ASIC2: variants seen among roughly 807,000 people sequenced by gnomAD.
ASIC2 encodes the protein acid-sensing ion channel 2.
ASIC2 carries 25 observed loss-of-function variants against 57.3 expected under a neutral mutation model. The observed-to-expected ratio is 0.44, with a 90% CI of 0.32 to 0.61. The LOEUF (loss-of-function observed/expected upper bound fraction) is 0.61, where lower values mean the gene tolerates loss of function less well. Among genes scored for constraint, ASIC2 ranks in the 20% least tolerant of loss-of-function variants. The pLI is 0.06. For missense variants in ASIC2, 641 were observed against 738.1 expected (o/e 0.87, Z 1.52); for synonymous variants, 319 against 307.5 (o/e 1.04, Z -0.39).
chr17:34,028,763 G>A (rs927658958), intron 1 of ASIC2, among the ~76,000 whole-genome samples: 1 of 152,178 alleles, frequency 6.6e-6, no homozygotes, highest in African/African-American at 2.4e-5. Context: ...TCACAGAGAA[G>A]CGATTTCCTG....
At position 33,407,808 on chromosome 17, in the gene ASIC2, T is replaced by A. The variant is rs925422215; in HGVS notation, c.556-295741A>T. ...AGGAATTCTGGGAACCAGGTTGGGA[T>A]TGGCTTGGCTTGGTAGCAACCCTAT... On this transcript the variant is annotated intron_variant, in intron 1 of 9. Transcript: ENST00000359872. Among the ~76,000 whole-genome samples the A allele has an allele frequency of 1.3e-5, 2 of 152,224 alleles. 1 individual carries two copies. Among genetic ancestry groups the A allele is most frequent in the Admixed American group, 1.3e-4 (2 of 15,286 alleles).
chr17:33,743,601 A>G (rs974869880), intron 1 of ASIC2, among the ~76,000 whole-genome samples: 3 of 152,236 alleles, frequency 2.0e-5, no homozygotes, highest in Non-Finnish European at 4.4e-5. Flanking sequence ...CTGACCAGTT[A>G]TGGCCTAAAT....
intron 1 of ASIC2, among the ~76,000 whole-genome samples, chr17:33,896,597 C>T (rs1437151258): frequency 2.0e-5 from 3 of 152,214 alleles, no homozygotes; most frequent in Admixed American, 2.0e-4. Context: ...AGCCCAATGG[C>T]CTGGCTCCTA....
intron 3 of ASIC2, among the ~76,000 whole-genome samples, chr17:33,061,146 C>A (rs992084789): frequency 6.6e-6 from 1 of 152,064 alleles, no homozygotes; most frequent in Admixed American, 6.6e-5. Flanking sequence ...AATTGAATAC[C>A]CTTTATTTCT....
intron 1 of ASIC2, among the ~76,000 whole-genome samples, chr17:34,054,999 T>A (rs775357512): frequency 2.8e-4 from 43 of 152,286 alleles, no homozygotes; most frequent in Non-Finnish European, 5.4e-4. Context: ...AAGAAATGAC[T>A]CATCCAAAGG....
intron 3 of ASIC2, among the ~76,000 whole-genome samples, chr17:33,080,952 CTG>C: frequency 6.6e-6 from 1 of 152,280 alleles, no homozygotes; most frequent in Middle Eastern, 3.4e-3. Flanking sequence ...CTGCAGTTGA[CTG>C]TGTGTAACTG....
intron 1 of ASIC2, among the ~76,000 whole-genome samples, chr17:33,556,954 G>A (rs1174067655): frequency 1.3e-5 from 2 of 152,232 alleles, no homozygotes; most frequent in Admixed American, 6.5e-5. Context: ...GGGAGGAATG[G>A]TGGAAGACTT....
At chr17:33,981,762 A>T (rs372461974) in intron 1 of ASIC2, among the ~76,000 whole-genome samples, 24 of 152,320 alleles carry the variant, frequency 1.6e-4, no homozygotes, top group Admixed American at 1.3e-3. Flanking sequence ...AACATTCTAC[A>T]TGCATTATCT....
intron 1 of ASIC2, among the ~76,000 whole-genome samples, chr17:33,916,189 T>A (rs1597928550): frequency 6.6e-6 from 1 of 152,114 alleles, no homozygotes; most frequent in Non-Finnish European, 1.5e-5. Context: ...AACTCCAGGG[T>A]GGATAATATG....
chr17:33,973,384 G>C (rs1905277177), intron 1 of ASIC2, among the ~76,000 whole-genome samples: 1 of 152,180 alleles, frequency 6.6e-6, no homozygotes, highest in Admixed American at 6.5e-5. Flanking sequence ...CATTGTTGGG[G>C]GCGGGTGGAG....
At chr17:33,887,865 T>C (rs926300049) in intron 1 of ASIC2, among the ~76,000 whole-genome samples, 1 of 152,180 alleles carries the variant, frequency 6.6e-6, no homozygotes, top group Admixed American at 6.5e-5. Context: ...AGTCCTTGAA[T>C]TGCCATGGTT....
chr17:34,077,386 AG>A (rs1470721934), intron 1 of ASIC2, among the ~76,000 whole-genome samples: 16 of 152,136 alleles, frequency 1.1e-4, no homozygotes, highest in African/African-American at 3.6e-4. Flanking sequence ...GCAATAACCT[AG>A]GAGAATGTTT....
chr17:33,849,006 CT>C (rs1913689623), intron 1 of ASIC2, among the ~76,000 whole-genome samples: 3 of 152,216 alleles, frequency 2.0e-5, no homozygotes, highest in Admixed American at 2.0e-4. Flanking sequence ...TGCCTACTGG[CT>C]GATTTCTGTA....
chr17:33,757,040 A>G (rs543333523), intron 1 of ASIC2, among the ~76,000 whole-genome samples: 2 of 152,278 alleles, frequency 1.3e-5, no homozygotes, highest in Admixed American at 6.5e-5. Context: ...CCTCAGTCCA[A>G]TCTCTTCAGA....
At chr17:33,183,937 G>A (rs377085092) in intron 1 of ASIC2, among the ~76,000 whole-genome samples, 1 of 152,270 alleles carries the variant, frequency 6.6e-6, no homozygotes, top group East Asian at 1.9e-4. Flanking sequence ...ATCCCTTAAC[G>A]TCTCTGGGCT....
chr17:33,837,290 GC>G (rs1913302297), intron 1 of ASIC2, among the ~76,000 whole-genome samples: 1 of 152,118 alleles, frequency 6.6e-6, no homozygotes, highest in Admixed American at 6.5e-5. Flanking sequence ...TCAATCAATG[GC>G]CTTGCATTGG....
intron 1 of ASIC2, among the ~76,000 whole-genome samples, chr17:34,131,917 G>A (rs909597012): frequency 1.3e-5 from 2 of 152,172 alleles, no homozygotes; most frequent in African/African-American, 4.8e-5. Context: ...TCTTCTCTGA[G>A]GGACATTTAG....
At chr17:33,746,217 TG>T (rs1331834216) in intron 1 of ASIC2, among the ~76,000 whole-genome samples, 1 of 151,396 alleles carries the variant, frequency 6.6e-6, no homozygotes, top group Non-Finnish European at 1.5e-5. Flanking sequence ...AATGTATACA[TG>T]TCTTCCTTTC....
intron 1 of ASIC2, among the ~76,000 whole-genome samples, chr17:33,672,249 A>G (rs2142051895): frequency 6.6e-6 from 1 of 152,286 alleles, no homozygotes; most frequent in Non-Finnish European, 1.5e-5. Flanking sequence ...TTTAAAAAGC[A>G]ACTGTGCAGG....
Sources: allele counts gnomAD v4.1 joint callset (sites outside exome capture counted in the v4.1 genomes callset), GRCh38; gene constraint gnomAD v4.1.1; transcripts MANE v1.5; gene names NCBI Gene and HGNC (gene_info 2026-07-23, HGNC 2026-07-21).